The following MAP3K7CL variants were observed in gnomAD, a reference collection of about 807,000 sequenced individuals.
The protein encoded by MAP3K7CL is MAP3K7 C-terminal-like protein.
Under a neutral mutation model 18.6 loss-of-function variants are expected in MAP3K7CL, and 16 were observed. The observed-to-expected ratio is 0.86, with a 90% CI of 0.58 to 1.31. The LOEUF is 1.31. Among genes scored for constraint, MAP3K7CL ranks in the 50% most tolerant of loss-of-function variants. The pLI is 0.00. For synonymous variants in MAP3K7CL, 65 were observed against 66.8 expected (o/e 0.97, Z 0.13); for missense variants, 163 against 174.4 (o/e 0.93, Z 0.37).
At chr21:29,130,495 A>T, upstream of MAP3K7CL, 1 of 606,320 alleles carries the variant, frequency 1.6e-6, no homozygotes, top group Non-Finnish European at 2.1e-6. Context: ...CACGCTGAAG[A>T]CATTCCTGTC....
At position 29,130,749 on chromosome 21, in the gene MAP3K7CL, G is replaced by A; in HGVS notation, c.-214G>A. On this transcript the variant is annotated 5_prime_UTR_variant, in exon 1 of 5. Transcript: ENST00000399928. ...CCGTGGGACGCTGGGGTCTGGGGCA[G>A]AGCAGGTAGCAGCGTGCTGCCCTGA... is the stretch of plus-strand genomic sequence containing the variant. The A allele has an allele frequency of 1.0e-6, 1 of 985,588 alleles. No homozygotes were observed. The highest frequency in any genetic ancestry group is 1.2e-6 in the Non-Finnish European group (1 of 830,028). The allele number at this position is 985,588 out of a possible 1,614,324, so 61.1% of individuals were successfully genotyped here. A position where few individuals can be genotyped will look rare whatever the true frequency, so the allele number is the denominator to read the frequency against.
intron 2 of MAP3K7CL, among the ~76,000 whole-genome samples, chr21:29,143,446 G>T (rs943458545): frequency 5.3e-5 from 8 of 151,494 alleles, no homozygotes; most frequent in Non-Finnish European, 1.0e-4. Context: ...TTTTGAGGCG[G>T]AGTTTCACTC....
Position 29,175,814 on chromosome 21 carries a change from C to T in MAP3K7CL, c.*922C>T, listed in dbSNP as rs1445038341. 6.6e-6 allele frequency: 1 copy of T among 152,214 alleles called. No homozygotes were observed. Among genetic ancestry groups the T allele is most frequent in the East Asian group, 1.9e-4 (1 of 5,204 alleles). 9.4% of individuals were successfully genotyped at this position (152,214 alleles called of 1,614,324 possible). ...TGTTCTACCTATCACCACATTTTCT[C>T]AAATTGAACTCTTTGTTATATGTCC... On this transcript the variant is annotated 3_prime_UTR_variant, in exon 5 of 5. Coordinates refer to ENST00000399928, the MANE Select transcript of MAP3K7CL (RefSeq NM_001286620.2).
chr21:29,166,725 A>G (rs190415524), intron 4 of MAP3K7CL, among the ~76,000 whole-genome samples: 39 of 152,344 alleles, frequency 2.6e-4, no homozygotes, highest in African/African-American at 9.1e-4. Flanking sequence ...ACTTTGTATC[A>G]TGCATCAGTA....
intron 3 of MAP3K7CL, among the ~76,000 whole-genome samples, chr21:29,153,850 C>G (rs971632095): frequency 2.0e-5 from 3 of 152,298 alleles, no homozygotes; most frequent in Admixed American, 2.0e-4. Context: ...GGGTCAAGAC[C>G]AAGCCTGTCT....
chr21:29,084,909 C>G (rs1014820562), upstream of MAP3K7CL, among the ~76,000 whole-genome samples: 1 of 151,946 alleles, frequency 6.6e-6, no homozygotes, highest in Non-Finnish European at 1.5e-5. Context: ...TTAGGAAATG[C>G]AAGTGAGAAA....
chr21:29,098,489 T>A (rs2086162915), intron 4 of MAP3K7CL, among the ~76,000 whole-genome samples: 1 of 152,192 alleles, frequency 6.6e-6, no homozygotes, highest in Non-Finnish European at 1.5e-5. Context: ...TTAAATTTCT[T>A]GAGAAAAAAA....
At chr21:29,123,416 G>A (rs1170915681) in intron 4 of MAP3K7CL, among the ~76,000 whole-genome samples, 1 of 152,122 alleles carries the variant, frequency 6.6e-6, no homozygotes, top group Non-Finnish European at 1.5e-5. Flanking sequence ...TGCAAAAAAA[G>A]AAAGTCACAT....
intron 1 of MAP3K7CL, 173 bp downstream of exon 1, chr21:29,131,096 A>C: frequency 2.2e-5 from 4 of 178,850 alleles, no homozygotes; most frequent in Non-Finnish European, 4.3e-5. Flanking sequence ...TGTGGAACTC[A>C]AAGTCCACTC....
exon 4 of MAP3K7CL, chr21:29,092,549 C>A: frequency 6.2e-7 from 1 of 1,614,222 alleles, no homozygotes; most frequent in South Asian, 1.1e-5. Context: ...AAGTCTATTA[C>A]TGTGCCCGTG....
In MAP3K7CL at chr21:29,103,659, T is replaced by C. The variant is rs1239167408; in HGVS notation, c.370+11078T>C. Among the ~76,000 whole-genome samples the C allele has an allele frequency of 2.0e-5, 3 of 151,614 alleles. No individual in the cohort carries two copies. In the South Asian group the frequency reaches 6.3e-4, roughly 32 times the overall value. On this transcript the variant is annotated intron_variant, in intron 4 of 6. Transcript: ENST00000286791. The stretch of plus-strand genomic sequence containing the variant: ...CTGAGGCAGGAGAGTTGCTTGAACC[T>C]GGGAGGTGGAGGTTGCAGTGAGCCG...
intron 4 of MAP3K7CL, among the ~76,000 whole-genome samples, chr21:29,161,190 A>T (rs562714406): frequency 6.4e-4 from 98 of 152,214 alleles, no homozygotes; most frequent in Admixed American, 1.4e-3. Context: ...GGCACCTGTA[A>T]TCCCAGCTAC....
intron 4 of MAP3K7CL, among the ~76,000 whole-genome samples, chr21:29,093,269 T>C (rs1254820225): frequency 6.6e-6 from 1 of 152,238 alleles, no homozygotes; most frequent in Non-Finnish European, 1.5e-5. Context: ...TATCTACAGA[T>C]AGGCTTCCCT....
chr21:29,160,616 T>A (rs967253245), intron 4 of MAP3K7CL, among the ~76,000 whole-genome samples: 2 of 152,252 alleles, frequency 1.3e-5, no homozygotes, highest in African/African-American at 2.4e-5. Flanking sequence ...TTCTTTTTAA[T>A]TGCACTTGAT....
At chr21:29,119,535 AC>A (rs1259248524) in intron 4 of MAP3K7CL, among the ~76,000 whole-genome samples, 1 of 151,902 alleles carries the variant, frequency 6.6e-6, no homozygotes, top group East Asian at 1.9e-4. Context: ...GGGCCATTTT[AC>A]CCTGTGTGCT....
At chr21:29,124,060 G>C (rs1167013784) in intron 4 of MAP3K7CL, among the ~76,000 whole-genome samples, 1 of 151,948 alleles carries the variant, frequency 6.6e-6, no homozygotes, top group African/African-American at 2.4e-5. Context: ...GGTGTTTATA[G>C]AAAAGGAACA....
intron 4 of MAP3K7CL, among the ~76,000 whole-genome samples, chr21:29,097,751 G>A (rs2086148571): frequency 2.0e-5 from 3 of 152,138 alleles, no homozygotes. Context: ...TAATTGGTCA[G>A]AAATGGCTTA....
intron 4 of MAP3K7CL, among the ~76,000 whole-genome samples, chr21:29,120,096 A>G (rs1203537091): frequency 1.3e-5 from 2 of 152,196 alleles, no homozygotes; most frequent in African/African-American, 4.8e-5. Flanking sequence ...GAAATATGAA[A>G]ACAGTTCTGG....
chr21:29,090,347 AG>A (rs1441266888), intron 1 of MAP3K7CL, among the ~76,000 whole-genome samples: 5 of 152,090 alleles, frequency 3.3e-5, no homozygotes, highest in Non-Finnish European at 7.4e-5. Context: ...TAAAAGGCGT[AG>A]GGAATGCAAT....
Sources: allele counts gnomAD v4.1 joint callset (sites outside exome capture counted in the v4.1 genomes callset), GRCh38; gene constraint gnomAD v4.1.1; transcripts MANE v1.5; gene names NCBI Gene and HGNC (gene_info 2026-07-23, HGNC 2026-07-21).